The following PIERCE1 variants were observed in gnomAD, a reference collection of about 807,000 sequenced individuals.
PIERCE1 encodes the protein piercer of microtubule wall 1 protein.
At chr9:135,495,266 CG>C in the PIERCE1 span, 1 of 642,752 alleles carries the variant, frequency 1.6e-6, no homozygotes, top group Non-Finnish European at 2.7e-6. Context: ...CAGGACTTCA[CG>C]GCCCCGTTTG....
At chr9:135,496,186 G>A in the PIERCE1 span, among the ~76,000 whole-genome samples, 3 of 152,142 alleles carry the variant, frequency 2.0e-5, no homozygotes, top group South Asian at 2.1e-4. Context: ...GTGTGGTGGC[G>A]GGCGCATGTA....
the PIERCE1 span, chr9:135,495,727 T>TG: frequency 2.0e-6 from 2 of 1,017,788 alleles, no homozygotes; most frequent in Non-Finnish European, 2.8e-6. Flanking sequence ...GAAGCCAGAG[T>TG]GGGTAGGATG....
the PIERCE1 span, chr9:135,498,971 C>T: frequency 5.6e-6 from 2 of 359,200 alleles, no homozygotes; most frequent in East Asian, 1.2e-4. This position sits in a 1 kb window ranked among gnomAD's most constrained non-coding sequence, Gnocchi z 4.1. Context: ...GCACATGCTG[C>T]AATTTCTGGG....
chr9:135,498,153 C>T, the PIERCE1 span, among the ~76,000 whole-genome samples: 1 of 152,178 alleles, frequency 6.6e-6, no homozygotes, highest in Non-Finnish European at 1.5e-5. This position sits in a 1 kb window ranked among gnomAD's most constrained non-coding sequence, Gnocchi z 4.1. Flanking sequence ...GCTGTGCCGT[C>T]AGCCAGTACT....
the PIERCE1 span, among the ~76,000 whole-genome samples, chr9:135,497,725 G>A: frequency 1.3e-5 from 2 of 152,174 alleles, no homozygotes; most frequent in Non-Finnish European, 2.9e-5. Flanking sequence ...GCATCCAGCT[G>A]TGTCTGGTCT....
chr9:135,499,517 C>G, the PIERCE1 span: 11 of 802,536 alleles, frequency 1.4e-5, no homozygotes, highest in African/African-American at 1.5e-4. Flanking sequence ...CTGCCCTTAT[C>G]CCCACTTCCT....
At chr9:135,499,689 G>A in the PIERCE1 span, 20 of 1,606,528 alleles carry the variant, frequency 1.2e-5, no homozygotes, top group Non-Finnish European at 1.5e-5. Context: ...CCAGGACCAG[G>A]CGGGCCCCAG....
chr9:135,499,777 G>A, the PIERCE1 span: 1 of 1,606,584 alleles, frequency 6.2e-7, no homozygotes, highest in Non-Finnish European at 8.5e-7. Flanking sequence ...GGTAGTAGTC[G>A]CTGGTCCTCT....
the PIERCE1 span, chr9:135,499,076 C>T: frequency 1.5e-5 from 4 of 273,122 alleles, no homozygotes; most frequent in African/African-American, 4.5e-5. Context: ...TGAGGCTATG[C>T]TTCTACTGGT....
the PIERCE1 span, among the ~76,000 whole-genome samples, chr9:135,497,161 T>C: frequency 1.2e-4 from 18 of 152,156 alleles, no homozygotes; most frequent in African/African-American, 4.1e-4. Context: ...AAACAGCTTC[T>C]CCGGCATCCA....
chr9:135,496,209 C>G, the PIERCE1 span, among the ~76,000 whole-genome samples: 1 of 152,232 alleles, frequency 6.6e-6, no homozygotes, highest in East Asian at 1.9e-4. Flanking sequence ...CCCAGCTACT[C>G]GGGAGGCTGA....
the PIERCE1 span, chr9:135,498,779 G>C: frequency 1.1e-6 from 1 of 938,560 alleles, no homozygotes; most frequent in South Asian, 1.4e-5. The surrounding 1 kb of genome is among the most constrained non-coding windows in gnomAD (Gnocchi z 4.1). Context: ...AGAGCAATAT[G>C]CCCGGGCTGG....
the PIERCE1 span, among the ~76,000 whole-genome samples, chr9:135,496,160 C>T: frequency 6.6e-6 from 1 of 152,186 alleles, no homozygotes; most frequent in Admixed American, 6.5e-5. Context: ...ACTAAAAATA[C>T]AAAAATATTA....
At chr9:135,495,411 G>T in the PIERCE1 span, 2 of 1,610,662 alleles carry the variant, frequency 1.2e-6, no homozygotes, top group Non-Finnish European at 1.7e-6. Flanking sequence ...GACTCCTAGA[G>T]GGAGTTTCCA....
At chr9:135,499,727 C>A in the PIERCE1 span, 1 of 1,608,286 alleles carries the variant, frequency 6.2e-7, no homozygotes, top group Non-Finnish European at 8.5e-7. Context: ...CCGGAACCAC[C>A]CCGGGTTGTT....
At chr9:135,495,267 G>C in the PIERCE1 span, 1 of 643,502 alleles carries the variant, frequency 1.6e-6, no homozygotes, top group South Asian at 2.1e-5. Flanking sequence ...AGGACTTCAC[G>C]GCCCCGTTTG....
Sources: allele counts gnomAD v4.1 joint callset (sites outside exome capture counted in the v4.1 genomes callset), GRCh38; gene constraint gnomAD v4.1.1; non-coding constraint Gnocchi (gnomAD v3.1); transcripts MANE v1.5; gene names NCBI Gene and HGNC (gene_info 2026-07-23, HGNC 2026-07-21).